Variants in USH2A observed in about 807,000 individuals in gnomAD.
USH2A encodes the protein Usher syndrome 2A (autosomal recessive, mild).
USH2A carries 443 observed loss-of-function variants against 538.9 expected under a neutral mutation model. The observed-to-expected ratio is 0.82, with a 90% CI of 0.76 to 0.89. The LOEUF (loss-of-function observed/expected upper bound fraction) is 0.89. Among genes scored for constraint, USH2A ranks in the 40% least tolerant of loss-of-function variants. The pLI is 0.00. For missense variants in USH2A, 6,633 were observed against 6,324.8 expected (o/e 1.05, Z -1.65); for synonymous variants, 2,413 against 2,273.5 (o/e 1.06, Z -1.75).
At chr1:216,331,158 A>C (rs1232206952) in intron 4 of USH2A, among the ~76,000 whole-genome samples, 1 of 152,134 alleles carries the variant, frequency 6.6e-6, no homozygotes, top group Non-Finnish European at 1.5e-5. Flanking sequence ...CCCAAATAAA[A>C]GAATTATGAT....
intron 38 of USH2A, among the ~76,000 whole-genome samples, chr1:215,931,132 AT>A (rs1277710127): frequency 1.3e-5 from 2 of 152,018 alleles, no homozygotes; most frequent in African/African-American, 4.8e-5. Flanking sequence ...AATTTTTCAA[AT>A]AAAAAATGTG....
intron 37 of USH2A, among the ~76,000 whole-genome samples, chr1:215,945,609 C>G (rs1051960082): frequency 6.6e-6 from 1 of 152,126 alleles, no homozygotes; most frequent in Non-Finnish European, 1.5e-5. Flanking sequence ...GTTATAGCTA[C>G]ATATTTTAAG....
At chr1:215,888,202 A>T (rs1331424543) in intron 41 of USH2A, among the ~76,000 whole-genome samples, 1 of 152,244 alleles carries the variant, frequency 6.6e-6, no homozygotes, top group East Asian at 1.9e-4. Flanking sequence ...TGTGCGAGGC[A>T]AATGGAAGCA....
At chr1:216,417,393 G>A (rs2039593801) in intron 3 of USH2A, among the ~76,000 whole-genome samples, 1 of 152,016 alleles carries the variant, frequency 6.6e-6, no homozygotes, top group Non-Finnish European at 1.5e-5. Context: ...GCTCATACTG[G>A]AAACTGTGGT....
At chr1:215,836,532 AT>A (rs1663525009) in intron 47 of USH2A, among the ~76,000 whole-genome samples, 2 of 27,038 alleles carry the variant, frequency 7.4e-5, no homozygotes, top group African/African-American at 2.8e-4. Flanking sequence ...TATATTATAT[AT>A]ATATATATAA....
intron 49 of USH2A, among the ~76,000 whole-genome samples, chr1:215,805,024 T>C (rs1046655718): frequency 6.6e-6 from 1 of 151,944 alleles, no homozygotes; most frequent in Non-Finnish European, 1.5e-5. Flanking sequence ...CTCGGCAAAC[T>C]ATCGCAAGGA....
intron 11 of USH2A, among the ~76,000 whole-genome samples, chr1:216,262,269 G>A (rs1156749674): frequency 6.6e-6 from 1 of 151,878 alleles, no homozygotes; most frequent in South Asian, 2.1e-4. Flanking sequence ...AAATAATGAT[G>A]TTAAGGAAAC....
intron 21 of USH2A, among the ~76,000 whole-genome samples, chr1:216,152,894 C>T (rs1057127117): frequency 3.3e-5 from 5 of 152,188 alleles, no homozygotes; most frequent in Admixed American, 2.6e-4. Flanking sequence ...CCATATAAAC[C>T]CCAAACCCCA....
At chr1:216,261,045 C>A (rs967084645) in intron 11 of USH2A, among the ~76,000 whole-genome samples, 2 of 151,964 alleles carry the variant, frequency 1.3e-5, no homozygotes, top group Non-Finnish European at 2.9e-5. Flanking sequence ...TACCATTTCT[C>A]TACAGAATAA....
intron 44 of USH2A, among the ~76,000 whole-genome samples, chr1:215,864,796 G>C (rs1664428293): frequency 1.3e-5 from 2 of 152,100 alleles, no homozygotes; most frequent in Non-Finnish European, 2.9e-5. Flanking sequence ...TATCATGTAT[G>C]TGATACTAAT....
At position 215,675,553 on chromosome 1, in the gene USH2A, G is replaced by A. The variant is rs727503718; in HGVS notation, c.12358C>T (p.Arg4120Cys). ...TAGAGAGTGAAAGGATCCAGGCGGC[G>A]GAAGAGAAACTGACGATTCAAACCA... Reference protein sequence around the residue: ...YSGLNRQFLFRRLDPFTLYTL... With the variant: ...YSGLNRQFLFCRLDPFTLYTL... The change falls in exon 63 of 72, where the codon CGC (arginine) becomes TGC (cysteine). Residue 4120 changes from arginine (R) to cysteine (C), a missense_variant. By Grantham distance (180) the Arg-to-Cys change is radical. Coordinates refer to ENST00000307340, the MANE Select transcript of USH2A (RefSeq NM_206933.4). 89 of 1,613,868 alleles carry A rather than the reference G, an allele frequency of 5.5e-5. No homozygotes were observed. The highest frequency in any genetic ancestry group is 1.8e-4 in the Admixed American group (11 of 59,970).
At chr1:216,180,524 T>A (rs2034472743) in intron 20 of USH2A, among the ~76,000 whole-genome samples, 1 of 152,090 alleles carries the variant, frequency 6.6e-6, no homozygotes. Flanking sequence ...ATTTATGTAG[T>A]GTAGCATTTT....
At chr1:216,287,720 C>T (rs149587036) in intron 11 of USH2A, among the ~76,000 whole-genome samples, 51 of 152,120 alleles carry the variant, frequency 3.4e-4, no homozygotes, top group East Asian at 3.3e-3. Context: ...AGGTTAGACA[C>T]GTAACTGAGA....
At position 215,934,647 on chromosome 1, in the gene USH2A, A is replaced by G; in HGVS notation, c.7269T>C (p.Thr2423=). ...NISNSQGSLI[T]DPITIAMPPG... ...GAGGCATTGCAATTGTTATAGGATC[A>G]GTTATCAAGCTGCCTTGGCTATTTG... is the stretch of plus-strand genomic sequence containing the variant. The change falls in exon 38 of 72, where the codon ACT becomes ACC. Residue 2423 remains threonine (T), a synonymous_variant. Coordinates refer to ENST00000307340, the MANE Select transcript of USH2A (RefSeq NM_206933.4). 1 of 1,612,566 alleles carries G rather than the reference A, an allele frequency of 6.2e-7. No individual in the cohort carries two copies. Among genetic ancestry groups the G allele is most frequent in the East Asian group, 2.2e-5 (1 of 44,824 alleles).
At chr1:216,156,285 T>C (rs1199606113) in intron 21 of USH2A, among the ~76,000 whole-genome samples, 1 of 115,554 alleles carries the variant, frequency 8.7e-6, no homozygotes, top group African/African-American at 3.5e-5. Context: ...TCTTTCTTTC[T>C]TTTTTTTTTC....
At chr1:215,669,634 T>C (rs373127480) in intron 64 of USH2A, among the ~76,000 whole-genome samples, 3 of 152,204 alleles carry the variant, frequency 2.0e-5, no homozygotes, top group African/African-American at 7.2e-5. Flanking sequence ...TTAGATTGGG[T>C]TTTGTTGCCA....
chr1:216,062,165 G>C (rs2031208337), intron 30 of USH2A, among the ~76,000 whole-genome samples: 1 of 152,074 alleles, frequency 6.6e-6, no homozygotes, highest in Non-Finnish European at 1.5e-5. Flanking sequence ...GTCATATTCT[G>C]GGGAGGATTT....
chr1:216,094,070 C>A (rs2032378555), intron 22 of USH2A, among the ~76,000 whole-genome samples: 1 of 151,992 alleles, frequency 6.6e-6, no homozygotes, highest in South Asian at 2.1e-4. Flanking sequence ...GTTTTTTTTC[C>A]ATCTGGCTTC....
At chr1:215,729,766 G>T (rs2488417) in intron 60 of USH2A, among the ~76,000 whole-genome samples, 35,273 of 152,004 alleles carry the variant, frequency 0.23, 4,350 homozygotes, top group African/African-American at 0.31. Context: ...GAGTAGCTAG[G>T]ACTACAGATG....
Sources: gnomAD v4.1 joint callset for allele counts (sites outside exome capture counted in the v4.1 genomes callset) on GRCh38, gnomAD v4.1.1 for gene constraint, MANE v1.5 for transcripts, NCBI Gene and HGNC (gene_info 2026-07-23, HGNC 2026-07-21) for gene names.